NCAM2: variants seen among roughly 807,000 people sequenced by gnomAD.
NCAM2 encodes the protein neural cell adhesion molecule 2.
In NCAM2, 30 loss-of-function variants were observed where a neutral mutation model predicts 98.1. The observed-to-expected ratio is 0.31, with a 90% confidence interval of 0.23 to 0.41. The LOEUF is 0.41. NCAM2 is among the 10% of genes least tolerant of loss of function. The pLI is 1.00. For synonymous variants in NCAM2, 368 were observed against 342.4 expected (o/e 1.07, Z -0.83); for missense variants, 867 against 1,005.8 (o/e 0.86, Z 1.87).
chr21:21,449,317 A>G (rs757099454), intron 12 of NCAM2, among the ~76,000 whole-genome samples: 7 of 151,970 alleles, frequency 4.6e-5, no homozygotes, highest in African/African-American at 1.2e-4. Context: ...TGAGTGTTTT[A>G]TAGGAGTTTA....
At chr21:21,323,847 T>C (rs1379752311) in intron 5 of NCAM2, among the ~76,000 whole-genome samples, 1 of 152,122 alleles carries the variant, frequency 6.6e-6, no homozygotes, top group East Asian at 1.9e-4. Flanking sequence ...GAAAGAACAT[T>C]ATGTTTTGAC....
chr21:21,211,404 C>G (rs2069656075), intron 1 of NCAM2, among the ~76,000 whole-genome samples: 1 of 152,168 alleles, frequency 6.6e-6, no homozygotes, highest in Non-Finnish European at 1.5e-5. Flanking sequence ...AGCCAGGACT[C>G]TAGTCCGATT....
chr21:21,464,724 A>G (rs973210592), intron 12 of NCAM2, among the ~76,000 whole-genome samples: 3 of 152,122 alleles, frequency 2.0e-5, no homozygotes, highest in African/African-American at 7.2e-5. Flanking sequence ...TCCATAATCT[A>G]TATAAACAAC....
At chr21:21,058,427 T>C (rs2065256301) in intron 1 of NCAM2, among the ~76,000 whole-genome samples, 1 of 152,150 alleles carries the variant, frequency 6.6e-6, no homozygotes, top group Non-Finnish European at 1.5e-5. Flanking sequence ...AATGATATTT[T>C]ATTTTGTGAA....
intron 1 of NCAM2, among the ~76,000 whole-genome samples, chr21:21,192,417 T>C (rs1467014702): frequency 6.6e-6 from 1 of 151,944 alleles, no homozygotes; most frequent in Admixed American, 6.6e-5. Flanking sequence ...AGTAGATAAA[T>C]AGAATAAAGT....
intron 3 of NCAM2, among the ~76,000 whole-genome samples, chr21:21,285,140 T>C (rs1431406704): frequency 6.6e-6 from 1 of 151,732 alleles, no homozygotes; most frequent in Non-Finnish European, 1.5e-5. Flanking sequence ...ATATATGGAG[T>C]TTGAGTACTA....
At chr21:21,005,812 A>C (rs577034498) in intron 1 of NCAM2, among the ~76,000 whole-genome samples, 7,023 of 146,722 alleles carry the variant, frequency 0.048, 197 homozygotes, top group Non-Finnish European at 0.058. Context: ...GCCCCCCCCA[A>C]AAAAAAAACC....
chr21:21,290,780 T>C (rs58549927), intron 4 of NCAM2, among the ~76,000 whole-genome samples: 2,153 of 151,900 alleles, frequency 0.014, 49 homozygotes, highest in African/African-American at 0.05. Flanking sequence ...TTCTATTTGT[T>C]ATTTCTAGCC....
At chr21:21,507,449 A>G (rs2146350362) in intron 15 of NCAM2, among the ~76,000 whole-genome samples, 1 of 152,214 alleles carries the variant, frequency 6.6e-6, no homozygotes, top group Non-Finnish European at 1.5e-5. Context: ...TCAGTTACAT[A>G]TTTGAACATG....
intron 1 of NCAM2, among the ~76,000 whole-genome samples, chr21:21,015,684 T>C (rs942792440): frequency 6.6e-6 from 1 of 152,042 alleles, no homozygotes; most frequent in Non-Finnish European, 1.5e-5. Context: ...ATGCCTGTAT[T>C]TCTGTTTTGT....
intron 1 of NCAM2, among the ~76,000 whole-genome samples, chr21:21,104,441 T>C (rs1260317723): frequency 6.6e-6 from 1 of 152,208 alleles, no homozygotes; most frequent in Admixed American, 6.6e-5. Context: ...CATCGATAAC[T>C]TCTACTTCAT....
chr21:21,405,928 T>A (rs1369687756), intron 9 of NCAM2, among the ~76,000 whole-genome samples: 2 of 152,204 alleles, frequency 1.3e-5, no homozygotes, highest in African/African-American at 2.4e-5. Flanking sequence ...TGTAGCTTTT[T>A]ATTTTAACTC....
At chr21:21,095,716 A>G (rs1334802134) in intron 1 of NCAM2, among the ~76,000 whole-genome samples, 1 of 151,650 alleles carries the variant, frequency 6.6e-6, no homozygotes, top group East Asian at 1.9e-4. Flanking sequence ...AAAACAGTAA[A>G]TTCGGAAAAT....
intron 9 of NCAM2, among the ~76,000 whole-genome samples, chr21:21,389,963 C>T (rs958688401): frequency 6.6e-6 from 1 of 152,158 alleles, no homozygotes; most frequent in Non-Finnish European, 1.5e-5. Context: ...TATTCTCCTG[C>T]CTCAGCCTCC....
intron 1 of NCAM2, among the ~76,000 whole-genome samples, chr21:21,106,306 C>A: frequency 3.1e-5 from 1 of 32,058 alleles, no homozygotes; most frequent in African/African-American, 3.9e-4. Flanking sequence ...AGAGACATGT[C>A]TCAAAAGCAA....
At chr21:21,189,285 T>C (rs1239670076) in intron 1 of NCAM2, among the ~76,000 whole-genome samples, 1 of 152,140 alleles carries the variant, frequency 6.6e-6, no homozygotes, top group Non-Finnish European at 1.5e-5. Context: ...GTTTTTAATA[T>C]ATAATAAAAT....
intron 1 of NCAM2, among the ~76,000 whole-genome samples, chr21:21,036,196 C>T (rs1797037995): frequency 6.6e-6 from 1 of 152,166 alleles, no homozygotes; most frequent in South Asian, 2.1e-4. Flanking sequence ...GATCCCCACT[C>T]ACTGTGAAAT....
chr21:21,344,096 T>C (rs924192732), intron 8 of NCAM2, among the ~76,000 whole-genome samples: 1 of 152,188 alleles, frequency 6.6e-6, no homozygotes, highest in African/African-American at 2.4e-5. Context: ...CTTTGTTCCA[T>C]GTCTTATCTC....
At chr21:21,318,771 G>T (rs2074290901) in intron 5 of NCAM2, among the ~76,000 whole-genome samples, 1 of 151,828 alleles carries the variant, frequency 6.6e-6, no homozygotes, top group Admixed American at 6.6e-5. Context: ...GTCATATTTG[G>T]CCAGGTGACT....
Sources: allele counts gnomAD v4.1 joint callset (sites outside exome capture counted in the v4.1 genomes callset), GRCh38; gene constraint gnomAD v4.1.1; transcripts MANE v1.5; gene names NCBI Gene and HGNC (gene_info 2026-07-23, HGNC 2026-07-21).